GPHN: variants seen among roughly 807,000 people sequenced by gnomAD.
GPHN encodes the protein gephyrin.
A neutral mutation model predicts 95.5 loss-of-function variants in GPHN; 17 were observed. The ratio of observed to expected loss-of-function variants is 0.18; its 90% CI spans 0.12 to 0.27. GPHN has a LOEUF of 0.27. Ranked by LOEUF, GPHN falls within the 10% of genes least tolerant of loss-of-function variation. The pLI, the probability that GPHN is intolerant of heterozygous loss-of-function variation, is 1.00. For missense variants in GPHN, 660 were observed against 978.1 expected (o/e 0.67, Z 4.34); for synonymous variants, 320 against 322.5 (o/e 0.99, Z 0.08).
At chr14:66,755,106 A>G (rs1451030948) in intron 2 of GPHN, among the ~76,000 whole-genome samples, 1 of 152,054 alleles carries the variant, frequency 6.6e-6, no homozygotes, top group African/African-American at 2.4e-5. Flanking sequence ...GTGCAAAACA[A>G]TGCTATTGGC....
At chr14:67,269,222 A>G in the GPHN span, among the ~76,000 whole-genome samples, 1 of 152,176 alleles carries the variant, frequency 6.6e-6, no homozygotes, top group African/African-American at 2.4e-5. Context: ...TTTTCCAATA[A>G]TGTTTCATAT....
the GPHN span, among the ~76,000 whole-genome samples, chr14:67,493,487 C>T: frequency 7.9e-5 from 12 of 152,318 alleles, no homozygotes; most frequent in Middle Eastern, 3.4e-3. Context: ...CTCTCGTGAT[C>T]GTAACTGACA....
chr14:67,610,762 A>G, the GPHN span, among the ~76,000 whole-genome samples: 1 of 152,090 alleles, frequency 6.6e-6, no homozygotes, highest in Non-Finnish European at 1.5e-5. Flanking sequence ...TCCCCAGCCA[A>G]TCGTTTCAGT....
At chr14:67,168,568 TA>T (rs781430909) in intron 20 of GPHN, among the ~76,000 whole-genome samples, 1 of 152,142 alleles carries the variant, frequency 6.6e-6, no homozygotes, top group South Asian at 2.1e-4. Context: ...TTTAAATGCT[TA>T]AAAAATAGCA....
intron 5 of GPHN, among the ~76,000 whole-genome samples, chr14:66,896,463 C>G (rs956008411): frequency 6.6e-6 from 1 of 151,830 alleles, no homozygotes; most frequent in Non-Finnish European, 1.5e-5. Flanking sequence ...CAAAAAGATA[C>G]AAAAATTAGA....
At chr14:67,235,179 G>A in the GPHN span, among the ~76,000 whole-genome samples, 1 of 150,872 alleles carries the variant, frequency 6.6e-6, no homozygotes, top group African/African-American at 2.4e-5. Flanking sequence ...GTTCAGGCCA[G>A]ATACCATCCA....
intron 1 of GPHN, among the ~76,000 whole-genome samples, chr14:66,510,634 G>A (rs1360340639): frequency 6.6e-6 from 1 of 152,190 alleles, no homozygotes; most frequent in Admixed American, 6.5e-5. Flanking sequence ...TGGATTAGGA[G>A]AGAATGTGAC....
intron 2 of GPHN, among the ~76,000 whole-genome samples, chr14:66,730,855 C>T (rs1056157340): frequency 1.3e-5 from 2 of 152,180 alleles, no homozygotes; most frequent in African/African-American, 2.4e-5. Context: ...TGGTTTGGCT[C>T]TGTGCCCCTA....
chr14:67,484,291 T>C, the GPHN span, among the ~76,000 whole-genome samples: 1 of 152,288 alleles, frequency 6.6e-6, no homozygotes, highest in East Asian at 1.9e-4. Flanking sequence ...TAATACCTAG[T>C]AATACTTGTG....
rs747944079 is a variant in GPHN, at chr14:66,973,613, G to A, written c.963+8288G>A. ...TCTCTACTAAAAATACAAAAATTTAGCTGGGCGTGGTGGTGGGCGCCTGTA... is the reference window on the plus strand; with the variant it reads ...TCTCTACTAAAAATACAAAAATTTAACTGGGCGTGGTGGTGGGCGCCTGTA... On this transcript the variant is annotated intron_variant, in intron 9 of 22. Coordinates refer to ENST00000478722, the MANE Select transcript of GPHN (RefSeq NM_020806.5). Among the ~76,000 whole-genome samples, 226 of 152,210 alleles carry A rather than the reference G, an allele frequency of 1.5e-3. 6 individuals are homozygous for A. The highest frequency in any genetic ancestry group is 4.9e-4 in the Non-Finnish European group (33 of 68,020).
chr14:67,044,967 G>C (rs965333143), intron 10 of GPHN, among the ~76,000 whole-genome samples: 2 of 152,022 alleles, frequency 1.3e-5, no homozygotes, highest in Non-Finnish European at 2.9e-5. Context: ...AGAAACCCCA[G>C]ATTTCATCTC....
At chr14:67,396,609 C>A in the GPHN span, among the ~76,000 whole-genome samples, 1 of 152,254 alleles carries the variant, frequency 6.6e-6, no homozygotes, top group African/African-American at 2.4e-5. Flanking sequence ...CACCTCTCTG[C>A]ATGCATTCTC....
Position 66,867,712 on chromosome 14 carries a change from T to C in GPHN, c.295-12227T>C, listed in dbSNP as rs2063281368. ...TGGCATTAAACTGCCTATTTTTACC[T>C]AATTTATCTCCTCACTAAATCTATA... On this transcript the variant is annotated intron_variant, in intron 4 of 22. Transcript: ENST00000478722. Among the ~76,000 whole-genome samples the C allele has an allele frequency of 2.6e-5, 4 of 152,350 alleles. No homozygotes were observed. The South Asian group carries it at 8.3e-4, about 32-fold the overall frequency.
intron 1 of GPHN, among the ~76,000 whole-genome samples, chr14:66,677,044 T>C (rs1427277619): frequency 6.6e-6 from 1 of 152,104 alleles, no homozygotes; most frequent in African/African-American, 2.4e-5. Flanking sequence ...AATGTATCCA[T>C]TTAATATAAG....
At chr14:66,619,948 T>G (rs2063220042) in intron 1 of GPHN, among the ~76,000 whole-genome samples, 1 of 152,130 alleles carries the variant, frequency 6.6e-6, no homozygotes, top group African/African-American at 2.4e-5. Context: ...CAAGGACCCT[T>G]ACGGGCCAGG....
chr14:67,316,835 A>G, the GPHN span: 1 of 1,610,352 alleles, frequency 6.2e-7, no homozygotes, highest in East Asian at 2.2e-5. Context: ...TATTAAGGGA[A>G]AAGCTTTCAG....
intron 1 of GPHN, among the ~76,000 whole-genome samples, chr14:66,608,136 T>C (rs1198187103): frequency 6.6e-6 from 1 of 151,782 alleles, no homozygotes; most frequent in African/African-American, 2.4e-5. Context: ...CCGTAAACTT[T>C]CCTCTTAACA....
the GPHN span, among the ~76,000 whole-genome samples, chr14:67,451,588 T>C: frequency 6.6e-6 from 1 of 152,240 alleles, no homozygotes; most frequent in Non-Finnish European, 1.5e-5. Context: ...ATTTCAGACT[T>C]GCATGGGGCC....
chr14:67,325,446 A>C, the GPHN span, among the ~76,000 whole-genome samples: 2 of 152,138 alleles, frequency 1.3e-5, no homozygotes, highest in African/African-American at 2.4e-5. Flanking sequence ...ATATACCTAC[A>C]AATTCTTAAG....
Sources: allele counts gnomAD v4.1 joint callset (sites outside exome capture counted in the v4.1 genomes callset), GRCh38; gene constraint gnomAD v4.1.1; transcripts MANE v1.5; gene names NCBI Gene and HGNC (gene_info 2026-07-23, HGNC 2026-07-21).